MCF2L: variants seen among roughly 807,000 people sequenced by gnomAD.
MCF2L encodes guanine nucleotide exchange factor DBS.
MCF2L carries 97 observed loss-of-function variants against 153.4 expected under a neutral mutation model. The observed-to-expected ratio is 0.63, with a 90% confidence interval of 0.54 to 0.75. The LOEUF (loss-of-function observed/expected upper bound fraction) is 0.75. Ranked by LOEUF, MCF2L falls within the 30% of genes least tolerant of loss-of-function variation. The pLI is 0.00. For missense variants in MCF2L, 1,347 were observed against 1,495.2 expected (o/e 0.90, Z 1.64); for synonymous variants, 659 against 632.2 (o/e 1.04, Z -0.64).
At chr13:112,985,441 A>G in intron 1 of MCF2L, 1 of 471,114 alleles carries the variant, frequency 2.1e-6, no homozygotes. Context: ...TACTACCTGT[A>G]TTCTGAGTGG....
chr13:113,001,884 G>T, intron 1 of MCF2L: 1 of 1,575,968 alleles, frequency 6.3e-7, no homozygotes, highest in East Asian at 2.3e-5. Flanking sequence ...GAGCCGGGTC[G>T]GGGGCTCCTG....
intron 1 of MCF2L, among the ~76,000 whole-genome samples, chr13:112,999,191 A>G (rs766280676): frequency 1.2e-4 from 19 of 152,276 alleles, no homozygotes; most frequent in African/African-American, 2.4e-4. Flanking sequence ...GGTCTGCCCT[A>G]TGGTGACTGT....
At chr13:112,944,361 G>T (rs374428243) in intron 2 of MCF2L, among the ~76,000 whole-genome samples, 2 of 152,188 alleles carry the variant, frequency 1.3e-5, no homozygotes, top group South Asian at 2.1e-4. Context: ...TCCCTACAGC[G>T]TATGTGTGCT....
At chr13:112,908,742 G>GTTTT (rs10627227) in intron 2 of MCF2L, among the ~76,000 whole-genome samples, 2 of 147,660 alleles carry the variant, frequency 1.4e-5, no homozygotes, top group Non-Finnish European at 1.5e-5. Flanking sequence ...GTTTTTTTTT[G>GTTTT]TTTTTTTTTG....
intron 15 of MCF2L, among the ~76,000 whole-genome samples, chr13:113,080,828 G>A (rs72663542): frequency 3.3e-5 from 5 of 152,340 alleles, no homozygotes; most frequent in Non-Finnish European, 7.4e-5. Context: ...GAAGAGACTC[G>A]GGTGGATTCT....
chr13:113,070,763 C>T lies in MCF2L; in HGVS notation c.996+590C>T, dbSNP rs964767012. ...GCTCAGCACAGCTCTCTGCAGACCC[C>T]CAGGTGCCGGTGGCTCACTCATTGT... On this transcript the variant is annotated intron_variant, in intron 9 of 29. Coordinates refer to ENST00000535094, the MANE Select transcript of MCF2L (RefSeq NM_001112732.3). The surrounding 1 kb of genome is among the most constrained non-coding windows in gnomAD (Gnocchi z 5.6). Among the ~76,000 whole-genome samples, 3 of 152,214 alleles carry T rather than the reference C, an allele frequency of 2.0e-5. No homozygotes were observed. The highest frequency in any genetic ancestry group is 2.0e-4 in the Admixed American group (3 of 15,276).
In MCF2L at chr13:113,097,937, T is replaced by A. The variant is rs2035774747; in HGVS notation, c.*1078T>A. On this transcript the variant is annotated 3_prime_UTR_variant, in exon 30 of 30. Coordinates refer to ENST00000535094, the MANE Select transcript of MCF2L (RefSeq NM_001112732.3). Reference sequence around the variant, plus strand: ...AGTACAGAAGTGAAAGTGGGGAGAGTATTTTATTCAAGTCACAGCAGAACT... The same window carrying A: ...AGTACAGAAGTGAAAGTGGGGAGAGAATTTTATTCAAGTCACAGCAGAACT... 6.6e-6 allele frequency: 1 copy of A among 151,920 alleles called. No homozygotes were observed. Among genetic ancestry groups the A allele is most frequent in the Non-Finnish European group, 1.5e-5 (1 of 67,966 alleles). 9.4% of individuals were successfully genotyped at this position (151,920 alleles called of 1,614,324 possible).
chr13:112,920,193 A>C lies in MCF2L; in HGVS notation c.169+17822A>C, dbSNP rs138523049. Among the ~76,000 whole-genome samples the C allele has an allele frequency of 4.1e-3, 621 of 152,298 alleles. 2 individuals carry two copies. Among genetic ancestry groups the C allele is most frequent in the Non-Finnish European group, 7.1e-3 (481 of 68,022 alleles). ...TACCTGGCTGAACTGCAGAGTGAAG[A>C]GCTCACGTATGGGTACATGGCGGAG... On this transcript the variant is annotated intron_variant, in intron 2 of 29. Coordinates refer to the MCF2L transcript ENST00000375608.
intron 1 of MCF2L, among the ~76,000 whole-genome samples, chr13:113,010,706 C>G (rs1329196459): frequency 6.6e-6 from 1 of 152,236 alleles, no homozygotes; most frequent in Non-Finnish European, 1.5e-5. Flanking sequence ...CCTAACCCTC[C>G]CCTCTCAGAC....
At chr13:113,039,963 T>G (rs1217201369) in intron 3 of MCF2L, among the ~76,000 whole-genome samples, 2 of 152,242 alleles carry the variant, frequency 1.3e-5, no homozygotes, top group East Asian at 3.8e-4. Flanking sequence ...ATGTTCAGTT[T>G]AGCCCCAAAC....
Position 112,960,237 on chromosome 13 carries a change from C to T in MCF2L, c.170-54526C>T, listed in dbSNP as rs1030809405. 2.6e-5 allele frequency among the ~76,000 whole-genome samples: 4 copies of T among 152,198 alleles called. No individual in the cohort carries two copies. The highest frequency in any genetic ancestry group is 1.9e-4 in the East Asian group (1 of 5,198). On this transcript the variant is annotated intron_variant, in intron 2 of 29. Coordinates refer to the MCF2L transcript ENST00000375608. This position sits in a 1 kb window ranked among gnomAD's most constrained non-coding sequence, Gnocchi z 4.2. Reference sequence around the variant, plus strand: ...GCATCTGGTGAGGGCCCCTGAGCTGCGTCTTTCCAAGAGACGGCCTCACCC... The same window carrying T: ...GCATCTGGTGAGGGCCCCTGAGCTGTGTCTTTCCAAGAGACGGCCTCACCC...
chr13:113,074,157 C>T lies in MCF2L; in HGVS notation c.997-287C>T, dbSNP rs2033192731. 6.6e-6 allele frequency among the ~76,000 whole-genome samples: 1 copy of T among 152,044 alleles called. No individual in the cohort carries two copies. On this transcript the variant is annotated intron_variant, in intron 9 of 29. Coordinates refer to ENST00000535094, the MANE Select transcript of MCF2L (RefSeq NM_001112732.3). This position sits in a 1 kb window ranked among gnomAD's most constrained non-coding sequence, Gnocchi z 4.2. Reference sequence around the variant, plus strand: ...TCTCATCTTCTCCTCATGCTGTTTTCAGGCGTGTGGTTGATAAACGGAGGC... The same window carrying T: ...TCTCATCTTCTCCTCATGCTGTTTTTAGGCGTGTGGTTGATAAACGGAGGC...
chr13:113,078,533 C>A, intron 14 of MCF2L, 97 bp downstream of exon 14: 1 of 1,388,032 alleles, frequency 7.2e-7, no homozygotes, highest in South Asian at 1.2e-5. Context: ...GGGCACTGCC[C>A]AGCTACCTGG....
At chr13:113,004,870 C>T (rs2083584881) in intron 1 of MCF2L, among the ~76,000 whole-genome samples, 1 of 152,256 alleles carries the variant, frequency 6.6e-6, no homozygotes, top group Admixed American at 6.5e-5. Flanking sequence ...TTTGCGGAGG[C>T]ATGGCAGCCC....
chr13:112,915,488 T>A (rs115564108), intron 2 of MCF2L, among the ~76,000 whole-genome samples: 2,092 of 151,286 alleles, frequency 0.014, 49 homozygotes, highest in African/African-American at 0.048. Flanking sequence ...TTCATACATA[T>A]TTGAGTCTGT....
At position 112,979,930 on chromosome 13, in the gene MCF2L, C is replaced by T. The variant is rs372411197; in HGVS notation, c.79+10472C>T. ...GTAGAGATAACTGCTGAGCATCCCA[C>T]TCCAGGTCTGTGGGTCCAGTTTTCT... On this transcript the variant is annotated intron_variant, in intron 1 of 29. Coordinates refer to ENST00000535094, the MANE Select transcript of MCF2L (RefSeq NM_001112732.3). Among the ~76,000 whole-genome samples the T allele has an allele frequency of 4.6e-5, 7 of 152,360 alleles. No homozygotes were observed. In the East Asian group the frequency reaches 1.2e-3, roughly 25 times the overall value.
At chr13:112,987,147 C>A (rs554207189) in intron 1 of MCF2L, among the ~76,000 whole-genome samples, 1 of 152,136 alleles carries the variant, frequency 6.6e-6, no homozygotes, top group African/African-American at 2.4e-5. Context: ...TTCCTTCACC[C>A]GGCTGCAGGG....
intron 3 of MCF2L, chr13:113,044,807 C>G (rs1425386361): frequency 1.9e-6 from 3 of 1,612,914 alleles, no homozygotes; most frequent in Non-Finnish European, 2.5e-6. Context: ...GGGATTTTCT[C>G]CCAGCACCGT....
intron 1 of MCF2L, among the ~76,000 whole-genome samples, chr13:112,988,484 G>C (rs1015645201): frequency 1.3e-5 from 2 of 152,140 alleles, no homozygotes; most frequent in African/African-American, 4.8e-5. Context: ...CTGGAGGGAC[G>C]TTCTGTCCTG....
Sources: allele counts gnomAD v4.1 joint callset (sites outside exome capture counted in the v4.1 genomes callset), GRCh38; gene constraint gnomAD v4.1.1; non-coding constraint Gnocchi (gnomAD v3.1); transcripts MANE v1.5; gene names NCBI Gene and HGNC (gene_info 2026-07-23, HGNC 2026-07-21).